Variants in DACH1 observed in about 807,000 individuals in gnomAD.
The protein encoded by DACH1 is dachshund family transcription factor 1, also known as dachshund homolog 1.
DACH1 carries 12 observed loss-of-function variants against 54.2 expected under a neutral mutation model. The observed-to-expected ratio is 0.22, with a 90% CI of 0.14 to 0.36. The LOEUF (loss-of-function observed/expected upper bound fraction) is 0.36, where lower values mean the gene tolerates loss of function less well. Ranked by LOEUF, DACH1 falls within the 10% of genes least tolerant of loss-of-function variation. The probability of loss-of-function intolerance (pLI) is 1.00; values close to 1 mark genes in which losing one functional copy is unlikely to be tolerated. For synonymous variants in DACH1, 386 were observed against 366.2 expected (o/e 1.05, Z -0.62); for missense variants, 805 against 929.8 (o/e 0.87, Z 1.75).
Position 71,731,197 on chromosome 13 carries a change from G to A in DACH1, c.849-49287C>T, listed in dbSNP as rs778585515. Among the ~76,000 whole-genome samples, 27 of 151,564 alleles carry A rather than the reference G, an allele frequency of 1.8e-4. 1 individual carries two copies. The highest frequency in any genetic ancestry group is 1.5e-5 in the Non-Finnish European group (1 of 67,936). On this transcript the variant is annotated intron_variant, in intron 1 of 10. Coordinates refer to ENST00000613252, the MANE Select transcript of DACH1 (RefSeq NM_080759.6). ...CTGGGTTAAAAATACAACAGCACAA[G>A]ATTCTAATGTTGAGTCTATTACTAG...
At chr13:71,798,432 T>C (rs559545793) in intron 1 of DACH1, among the ~76,000 whole-genome samples, 9 of 149,552 alleles carry the variant, frequency 6.0e-5, no homozygotes, top group South Asian at 2.1e-4. Flanking sequence ...GGTGCATTCA[T>C]ACACCCAAAC....
intron 1 of DACH1, among the ~76,000 whole-genome samples, chr13:71,752,456 C>T (rs550001697): frequency 4.1e-5 from 6 of 147,182 alleles, no homozygotes; most frequent in Non-Finnish European, 7.5e-5. Context: ...AGGAAATTCT[C>T]TCTCTTTCTC....
chr13:71,847,941 C>T (rs370426599), intron 1 of DACH1, among the ~76,000 whole-genome samples: 8 of 152,070 alleles, frequency 5.3e-5, no homozygotes, highest in Non-Finnish European at 7.4e-5. Context: ...ATTTTCAAAA[C>T]GGGAGACTAC....
intron 6 of DACH1, among the ~76,000 whole-genome samples, chr13:71,508,320 G>A: frequency 6.6e-6 from 1 of 151,932 alleles, no homozygotes; most frequent in African/African-American, 2.4e-5. Flanking sequence ...CATCTGACTT[G>A]GGCTTCTGTT....
chr13:71,453,497 T>C (rs1465941755), intron 10 of DACH1, among the ~76,000 whole-genome samples: 1 of 152,142 alleles, frequency 6.6e-6, no homozygotes, highest in Non-Finnish European at 1.5e-5. Context: ...AATTTATGTG[T>C]TATCTCTAAG....
At chr13:71,565,519 C>T (rs1884846873) in intron 4 of DACH1, among the ~76,000 whole-genome samples, 1 of 151,972 alleles carries the variant, frequency 6.6e-6, no homozygotes, top group Non-Finnish European at 1.5e-5. Flanking sequence ...GCAAAGAAGA[C>T]AAATAGCAGA....
chr13:71,838,688 A>G (rs1888895243), intron 1 of DACH1, among the ~76,000 whole-genome samples: 2 of 151,964 alleles, frequency 1.3e-5, no homozygotes, highest in African/African-American at 4.8e-5. Context: ...CCGGATCATG[A>G]CCTCTCACTT....
Position 71,866,371 on chromosome 13 carries a change from G to A in DACH1, c.399C>T (p.Pro133=). 1 of 1,509,006 alleles carries A rather than the reference G, an allele frequency of 6.6e-7. No homozygotes were observed. The highest frequency in any genetic ancestry group is 8.9e-7 in the Non-Finnish European group (1 of 1,125,250). The allele number at this position is 1,509,006 out of a possible 1,614,324, so 93.5% of individuals were successfully genotyped here. Reference sequence around the variant, plus strand: ...TGCTGCTGCCGGTGCTGGCGTTGATGGGGGTGCTGGAAGCGACGCCGCCGC... The same window carrying A: ...TGCTGCTGCCGGTGCTGGCGTTGATAGGGGTGCTGGAAGCGACGCCGCCGC... ...SAGGGVASST[P]INASTGSSSS... Residue 133 remains proline, a synonymous_variant, in exon 1 of 11, where the codon CCC becomes CCT. Coordinates refer to ENST00000613252, the MANE Select transcript of DACH1 (RefSeq NM_080759.6).
Position 71,438,221 on chromosome 13 carries a change from A to G in DACH1, c.*2434T>C, listed in dbSNP as rs1332566793. ...AATAGACAATTTTCATAGGTCCTACATGAAGATGAGTATGTTCTGTTCCAA... is the reference window on the plus strand; with the variant it reads ...AATAGACAATTTTCATAGGTCCTACGTGAAGATGAGTATGTTCTGTTCCAA... On this transcript the variant is annotated 3_prime_UTR_variant, in exon 11 of 11. Transcript: ENST00000613252. The G allele has an allele frequency of 2.0e-5, 3 of 152,392 alleles. No individual in the cohort carries two copies. Among genetic ancestry groups the G allele is most frequent in the South Asian group, 4.1e-4 (2 of 4,836 alleles). 9.4% of individuals were successfully genotyped at this position (152,392 alleles called of 1,614,324 possible).
At chr13:71,595,355 C>T (rs1874020431) in intron 3 of DACH1, among the ~76,000 whole-genome samples, 1 of 152,018 alleles carries the variant, frequency 6.6e-6, no homozygotes, top group South Asian at 2.1e-4. Context: ...AAATAGGAAG[C>T]CTTGGGATAA....
chr13:71,609,543 T>C (rs1189953438), intron 3 of DACH1, among the ~76,000 whole-genome samples: 6 of 115,472 alleles, frequency 5.2e-5, no homozygotes, highest in African/African-American at 3.3e-4. Context: ...GAAGTTGACT[T>C]TTTTTTTTTC....
intron 1 of DACH1, among the ~76,000 whole-genome samples, chr13:71,819,261 T>G (rs1334712891): frequency 6.6e-6 from 1 of 152,210 alleles, no homozygotes; most frequent in East Asian, 1.9e-4. Context: ...TCTCCCCTAC[T>G]TCTCTCCTCC....
At chr13:71,841,891 C>T (rs1872878304) in intron 1 of DACH1, among the ~76,000 whole-genome samples, 1 of 152,140 alleles carries the variant, frequency 6.6e-6, no homozygotes, top group Non-Finnish European at 1.5e-5. Context: ...ACATAGTTTA[C>T]AAATGCCATC....
At chr13:71,592,020 GCAGA>G (rs1364660538) in intron 3 of DACH1, among the ~76,000 whole-genome samples, 2 of 152,064 alleles carry the variant, frequency 1.3e-5, no homozygotes, top group Non-Finnish European at 2.9e-5. Flanking sequence ...TTGTGAGGTA[GCAGA>G]CAAACTACAG....
At chr13:71,675,253 C>G in intron 2 of DACH1, 7 of 1,579,872 alleles carry the variant, frequency 4.4e-6, no homozygotes, top group Non-Finnish European at 6.1e-6. Flanking sequence ...ACTTCTGATT[C>G]GCAGACTTCC....
chr13:71,486,609 A>G (rs189102030), intron 7 of DACH1, among the ~76,000 whole-genome samples: 5 of 152,222 alleles, frequency 3.3e-5, no homozygotes, highest in Non-Finnish European at 5.9e-5. Flanking sequence ...GTATATATAT[A>G]TTTATAATAT....
At chr13:71,798,443 A>G (rs1440014215) in intron 1 of DACH1, among the ~76,000 whole-genome samples, 1 of 150,460 alleles carries the variant, frequency 6.6e-6, no homozygotes, top group Admixed American at 6.7e-5. Context: ...ACACCCAAAC[A>G]ATATGACTTG....
At chr13:71,738,942 C>T (rs145266292) in intron 1 of DACH1, among the ~76,000 whole-genome samples, 25 of 151,516 alleles carry the variant, frequency 1.6e-4, no homozygotes, top group East Asian at 3.9e-4. Context: ...GGAAGAAACG[C>T]GAATCAACAA....
intron 1 of DACH1, among the ~76,000 whole-genome samples, chr13:71,771,785 TAC>T (rs200219974): frequency 9.4e-5 from 14 of 149,238 alleles, no homozygotes; most frequent in Admixed American, 6.7e-4. Flanking sequence ...CACACACACA[TAC>T]ACACACACTC....
Sources: allele counts gnomAD v4.1 joint callset (sites outside exome capture counted in the v4.1 genomes callset), GRCh38; gene constraint gnomAD v4.1.1; transcripts MANE v1.5; gene names NCBI Gene and HGNC (gene_info 2026-07-23, HGNC 2026-07-21).